CDH11: variants seen among roughly 807,000 people sequenced by gnomAD.
The protein encoded by CDH11 is cadherin-11.
Under a neutral mutation model 67.8 loss-of-function variants are expected in CDH11, and 11 were observed. That is an observed-to-expected ratio of 0.16 (90% CI 0.10 to 0.27). CDH11 has a LOEUF of 0.27. CDH11 is among the 10% of genes least tolerant of loss of function. The probability of loss-of-function intolerance (pLI) is 1.00; values close to 1 mark genes in which losing one functional copy is unlikely to be tolerated. For missense variants in CDH11, 847 were observed against 1,031.2 expected, an observed-to-expected ratio of 0.82 and a Z score of 2.45; for synonymous variants, 419 against 400.0, an observed-to-expected ratio of 1.05 and a Z score of -0.57.
chr16:65,055,945 G>A (rs1014105244), intron 1 of CDH11, among the ~76,000 whole-genome samples: 1 of 152,196 alleles, frequency 6.6e-6, no homozygotes, highest in Non-Finnish European at 1.5e-5. Context: ...AAAGAAAGCA[G>A]AGCTCTCTCT....
chr16:65,006,029 C>T (rs952464182), intron 2 of CDH11, among the ~76,000 whole-genome samples: 3 of 152,142 alleles, frequency 2.0e-5, no homozygotes, highest in Non-Finnish European at 4.4e-5. Context: ...TAACTTCTGC[C>T]TTGGGTTCTG....
chr16:65,121,291 A>C lies in CDH11; in HGVS notation c.-298+589T>G, dbSNP rs545074240. On this transcript the variant is annotated intron_variant, in intron 1 of 12. Coordinates refer to ENST00000268603, the MANE Select transcript of CDH11 (RefSeq NM_001797.4). The surrounding 1 kb of genome is among the most constrained non-coding windows in gnomAD (Gnocchi z 4.1). ...CAGTCGGCGGCCCCAAACCCACGCT[A>C]TTAAAGTGCGGGCAATCTCCTTCCG... is the stretch of plus-strand genomic sequence containing the variant. Among the ~76,000 whole-genome samples the C allele has an allele frequency of 6.6e-6, 1 of 152,138 alleles. No individual in the cohort carries two copies. Among genetic ancestry groups the C allele is most frequent in the Non-Finnish European group, 1.5e-5 (1 of 68,000 alleles).
intron 1 of CDH11, among the ~76,000 whole-genome samples, chr16:65,102,229 A>T (rs958472742): frequency 6.6e-6 from 1 of 152,218 alleles, no homozygotes; most frequent in Non-Finnish European, 1.5e-5. Flanking sequence ...TCTAAGTTTT[A>T]AAAAATTCAT....
chr16:64,974,462 T>A (rs745534286), intron 8 of CDH11, among the ~76,000 whole-genome samples: 4 of 152,206 alleles, frequency 2.6e-5, no homozygotes, highest in Non-Finnish European at 5.9e-5. Context: ...ACTTGGCCTA[T>A]GTCTAGTTTC....
chr16:65,108,174 C>T (rs2142874131), intron 1 of CDH11, among the ~76,000 whole-genome samples: 1 of 152,222 alleles, frequency 6.6e-6, no homozygotes, highest in South Asian at 2.1e-4. Flanking sequence ...GAGGGGGCAG[C>T]TACAACGATG....
Position 64,947,698 on chromosome 16 carries a change from C to G in CDH11, c.2296G>C (p.Asp766His). 6.2e-7 allele frequency: 1 copy of G among 1,614,128 alleles called. No homozygotes were observed. ...SSLESATTDS[D>H]LDYDYLQNWG... ...TTCTGTAGATAATCATAGTCCAAGT[C>G]TGAATCTGTGGTGGCCGACTCTAGG... is the stretch of plus-strand genomic sequence containing the variant. Residue 766 changes from aspartate (D) to histidine (H), a missense_variant, in exon 13 of 13, where the codon GAC becomes CAC. Around this residue, in one of 2 missense-constraint regions of CDH11, gnomAD observed 612 missense variants for 678.7 expected, o/e 0.90. Transcript: ENST00000268603.
intron 8 of CDH11, among the ~76,000 whole-genome samples, chr16:64,980,476 TC>T (rs983586165): frequency 1.8e-4 from 27 of 152,096 alleles, no homozygotes; most frequent in African/African-American, 5.8e-4. Flanking sequence ...CTGGAAGAAT[TC>T]CTATAGGAGA....
At chr16:65,110,624 A>ATGTGTGTG (rs57316241) in intron 1 of CDH11, among the ~76,000 whole-genome samples, 14 of 135,828 alleles carry the variant, frequency 1.0e-4, no homozygotes, top group Non-Finnish European at 1.4e-4. Flanking sequence ...ATGGCCAATG[A>ATGTGTGTG]TGTGTGTGTG....
intron 1 of CDH11, among the ~76,000 whole-genome samples, chr16:65,109,623 G>A (rs16968505): frequency 0.028 from 4,203 of 152,244 alleles, 217 homozygotes; most frequent in African/African-American, 0.095. Flanking sequence ...CATCAATGCC[G>A]AGAGTTCCTA....
upstream of CDH11, among the ~76,000 whole-genome samples, chr16:65,123,232 G>A (rs907675948): frequency 6.6e-6 from 1 of 152,102 alleles, no homozygotes. Flanking sequence ...GCTTGAACAA[G>A]TTTGCAGGGT....
chr16:65,034,231 G>A (rs958791825), intron 2 of CDH11, among the ~76,000 whole-genome samples: 1 of 152,150 alleles, frequency 6.6e-6, no homozygotes, highest in African/African-American at 2.4e-5. Context: ...CTAGGAGGAA[G>A]GCATGAAACA....
At chr16:65,060,519 A>G (rs1395095723) in intron 1 of CDH11, among the ~76,000 whole-genome samples, 1 of 152,148 alleles carries the variant, frequency 6.6e-6, no homozygotes, top group Non-Finnish European at 1.5e-5. Flanking sequence ...AGCAGACAAA[A>G]ATAAGTACAA....
chr16:64,945,887 G>A lies in CDH11; in HGVS notation c.*1716C>T, dbSNP rs150643872. On this transcript the variant is annotated 3_prime_UTR_variant, in exon 13 of 13. Transcript: ENST00000268603. ...TTGTCTGCAATCCAAGAAAAAGCAC[G>A]TGCCCTGTGTGTAGGGGGAAAGAGG... 1.7e-5 allele frequency: 18 copies of A among 1,056,776 alleles called. No homozygotes were observed. Among genetic ancestry groups the A allele is most frequent in the Middle Eastern group, 8.5e-4 (2 of 2,360 alleles). 65.5% of individuals were successfully genotyped at this position (1,056,776 alleles called of 1,614,324 possible).
At chr16:64,996,797 C>G (rs1452227004) in intron 4 of CDH11, among the ~76,000 whole-genome samples, 1 of 152,042 alleles carries the variant, frequency 6.6e-6, no homozygotes, top group Admixed American at 6.5e-5. Context: ...GAACAGAAAA[C>G]CAAATACCAC....
At chr16:64,985,302 T>C (rs2072457700) in intron 7 of CDH11, 1 of 152,044 alleles carries the variant, frequency 6.6e-6, no homozygotes, top group Admixed American at 6.5e-5. Context: ...TAGTAATTAT[T>C]TCTTGAATTC....
intron 2 of CDH11, among the ~76,000 whole-genome samples, chr16:65,042,851 C>G (rs144850285): frequency 6.6e-6 from 1 of 152,146 alleles, no homozygotes; most frequent in Admixed American, 6.5e-5. Flanking sequence ...GACATTCCAG[C>G]CCCTGTTCTC....
intron 6 of CDH11, among the ~76,000 whole-genome samples, chr16:64,989,894 A>T (rs778870707): frequency 5.3e-5 from 8 of 152,108 alleles, no homozygotes; most frequent in Non-Finnish European, 1.2e-4. Context: ...CCTTACAGAG[A>T]TTTCATCAGT....
chr16:64,949,432 T>G, intron 12 of CDH11, among the ~76,000 whole-genome samples: 1 of 148,668 alleles, frequency 6.7e-6, no homozygotes, highest in South Asian at 2.2e-4. Flanking sequence ...TTTCTTTTTT[T>G]TTTTTTTTTT....
chr16:64,999,574 C>T (rs909788584), intron 3 of CDH11, among the ~76,000 whole-genome samples: 1 of 151,912 alleles, frequency 6.6e-6, no homozygotes, highest in African/African-American at 2.4e-5. Context: ...CACTCTGTTG[C>T]CCAGGCTGGA....
Sources: allele counts gnomAD v4.1 joint callset (sites outside exome capture counted in the v4.1 genomes callset), GRCh38; gene constraint gnomAD v4.1.1; regional missense constraint gnomAD v4.1.1; non-coding constraint Gnocchi (gnomAD v3.1); transcripts MANE v1.5; gene names NCBI Gene and HGNC (gene_info 2026-07-23, HGNC 2026-07-21).